The following SLMAP variants were observed in gnomAD, a reference collection of about 807,000 sequenced individuals.
SLMAP encodes sarcolemmal membrane-associated protein.
SLMAP carries 44 observed loss-of-function variants against 128.8 expected under a neutral mutation model. The ratio of observed to expected loss-of-function variants is 0.34; its 90% CI spans 0.27 to 0.44. The LOEUF is 0.44. Among genes scored for constraint, SLMAP ranks in the 20% least tolerant of loss-of-function variants. The pLI, the probability that SLMAP is intolerant of heterozygous loss-of-function variation, is 1.00. For synonymous variants in SLMAP, 327 were observed against 348.8 expected, an observed-to-expected ratio of 0.94 and a Z score of 0.70; for missense variants, 787 against 985.3, an observed-to-expected ratio of 0.80 and a Z score of 2.69.
rs186442800 is a variant in SLMAP at position 57,851,824 on chromosome 3, T to A, written c.519+2008T>A. Among the ~76,000 whole-genome samples, 160 of 152,130 alleles carry A rather than the reference T, an allele frequency of 1.1e-3. 2 individuals are homozygous for A. Among genetic ancestry groups the A allele is most frequent in the Admixed American group, 8.6e-3 (131 of 15,282 alleles). On this transcript the variant is annotated intron_variant, in intron 6 of 24. Transcript: ENST00000671191. ...ATCTTAGTTCTGCTACTCAACCCACTTTTGTGACCTTGAGTGAGTCATTTT... is the reference window on the plus strand; with the variant it reads ...ATCTTAGTTCTGCTACTCAACCCACATTTGTGACCTTGAGTGAGTCATTTT...
chr3:57,928,802 T>G lies in SLMAP; in HGVS notation c.*1513T>G, dbSNP rs1242066643. 1 of 152,524 alleles carries G rather than the reference T, an allele frequency of 6.6e-6. No individual in the cohort carries two copies. Among genetic ancestry groups the G allele is most frequent in the South Asian group, 2.1e-4 (1 of 4,832 alleles). 9.4% of individuals were successfully genotyped at this position (152,524 alleles called of 1,614,324 possible). A position where few individuals can be genotyped will look rare whatever the true frequency, so the allele number is the denominator to read the frequency against. On this transcript the variant is annotated 3_prime_UTR_variant, in exon 25 of 25. Coordinates refer to ENST00000671191, the MANE Select transcript of SLMAP (RefSeq NM_001377540.1). ...TGTTTGGCAGTCACTGTTTATACTT[T>G]AAAGGTTATATTTTAAGCTATTTGA...
At chr3:57,854,777 A>C (rs181533323) in intron 6 of SLMAP, among the ~76,000 whole-genome samples, 1 of 152,322 alleles carries the variant, frequency 6.6e-6, no homozygotes, top group Non-Finnish European at 1.5e-5. Flanking sequence ...TATATATTTC[A>C]CATATATTCA....
chr3:57,825,268 A>T (rs2092832615), intron 2 of SLMAP, among the ~76,000 whole-genome samples: 1 of 151,090 alleles, frequency 6.6e-6, no homozygotes, highest in Admixed American at 6.6e-5. Flanking sequence ...CTTCTAGTAC[A>T]GTGTTGAACA....
At chr3:57,920,587 A>G (rs2096898911) in intron 22 of SLMAP, among the ~76,000 whole-genome samples, 1 of 152,200 alleles carries the variant, frequency 6.6e-6, no homozygotes, top group Non-Finnish European at 1.5e-5. Flanking sequence ...GGATATAAGT[A>G]GAGAGGAACT....
chr3:57,897,594 G>A (rs1438478039), intron 17 of SLMAP: 1 of 152,230 alleles, frequency 6.6e-6, no homozygotes, highest in Admixed American at 6.6e-5. Flanking sequence ...TACTCGGGAG[G>A]CTGAGGCAGG....
chr3:57,840,989 G>C (rs1440629180), intron 3 of SLMAP, among the ~76,000 whole-genome samples: 1 of 152,076 alleles, frequency 6.6e-6, no homozygotes, highest in Non-Finnish European at 1.5e-5. Flanking sequence ...ACTGGCAGAT[G>C]GGGAAAAGTG....
At chr3:57,781,375 G>A (rs142231881) in intron 2 of SLMAP, among the ~76,000 whole-genome samples, 1 of 152,104 alleles carries the variant, frequency 6.6e-6, no homozygotes, top group African/African-American at 2.4e-5. Flanking sequence ...CATTGAAAAG[G>A]CTGTAAAAAG....
intron 2 of SLMAP, among the ~76,000 whole-genome samples, chr3:57,829,438 C>G (rs2093178981): frequency 1.3e-5 from 2 of 151,888 alleles, no homozygotes; most frequent in African/African-American, 4.8e-5. Context: ...TGACCAGAAT[C>G]CAGACATTAC....
chr3:57,880,460 C>T (rs948291814), intron 14 of SLMAP, among the ~76,000 whole-genome samples: 3 of 152,122 alleles, frequency 2.0e-5, no homozygotes, highest in African/African-American at 7.2e-5. Flanking sequence ...GCCTCAGCCT[C>T]CCAAAGTGTG....
At chr3:57,839,707 G>A (rs890383187) in intron 3 of SLMAP, among the ~76,000 whole-genome samples, 1 of 152,104 alleles carries the variant, frequency 6.6e-6, no homozygotes, top group Non-Finnish European at 1.5e-5. Context: ...AGGCTCAAGC[G>A]ATTCTCCCAC....
chr3:57,879,862 AT>A (rs2095687323), intron 14 of SLMAP, among the ~76,000 whole-genome samples: 1 of 151,772 alleles, frequency 6.6e-6, no homozygotes. Flanking sequence ...AGGCAGGAGA[AT>A]TGCTTGAAAC....
chr3:57,787,999 T>G (rs749306208), intron 2 of SLMAP, among the ~76,000 whole-genome samples: 3 of 151,926 alleles, frequency 2.0e-5, no homozygotes, highest in Non-Finnish European at 2.9e-5. Flanking sequence ...GAAGAAAGAG[T>G]GGTTAGAATG....
At chr3:57,834,990 C>T (rs1288941183) in intron 3 of SLMAP, among the ~76,000 whole-genome samples, 12 of 151,258 alleles carry the variant, frequency 7.9e-5, no homozygotes, top group East Asian at 2.0e-4. Context: ...GGCGTGGTGG[C>T]GCACGCCTGT....
At chr3:57,905,908 C>T (rs2096525080) in intron 17 of SLMAP, among the ~76,000 whole-genome samples, 1 of 151,920 alleles carries the variant, frequency 6.6e-6, no homozygotes, top group Admixed American at 6.6e-5. Context: ...TTATTCAGCC[C>T]AAAATGTCAG....
intron 15 of SLMAP, among the ~76,000 whole-genome samples, chr3:57,891,517 A>G (rs2096069263): frequency 1.3e-5 from 2 of 151,484 alleles, no homozygotes; most frequent in Admixed American, 1.3e-4. Flanking sequence ...TAAACTGTTT[A>G]TTGGAAGTTT....
At chr3:57,862,687 T>C (rs935293302) in intron 10 of SLMAP, among the ~76,000 whole-genome samples, 7 of 146,252 alleles carry the variant, frequency 4.8e-5, no homozygotes, top group African/African-American at 1.8e-4. Context: ...CTGGTATAGA[T>C]AGATATTTTG....
At chr3:57,899,749 GTCTC>G (rs140631767) in intron 17 of SLMAP, 2 of 151,806 alleles carry the variant, frequency 1.3e-5, no homozygotes, top group East Asian at 1.9e-4. Context: ...TTCTCTCTCT[GTCTC>G]TCTCTCTTTT....
intron 2 of SLMAP, among the ~76,000 whole-genome samples, chr3:57,808,963 G>A (rs569705555): frequency 6.6e-6 from 1 of 152,280 alleles, no homozygotes; most frequent in African/African-American, 2.4e-5. Flanking sequence ...TATATATTTA[G>A]GATAGCTAGC....
chr3:57,858,141 A>G lies in SLMAP; in HGVS notation c.669A>G (p.Gln223=). 2 of 1,595,576 alleles carry G rather than the reference A, an allele frequency of 1.3e-6. No homozygotes were observed. The highest frequency in any genetic ancestry group is 1.7e-6 in the Non-Finnish European group (2 of 1,163,210). ...CACGGTTAGAAGTTATGGGAAACCAATTACAGGCATGCTCCAAAGTAGGTA... is the reference window on the plus strand; with the variant it reads ...CACGGTTAGAAGTTATGGGAAACCAGTTACAGGCATGCTCCAAAGTAGGTA... ...LLSRLEVMGN[Q]LQACSKNQTE... Residue 223 remains glutamine, a synonymous_variant, in exon 8 of 25, where the codon CAA becomes CAG. Coordinates refer to ENST00000671191, the MANE Select transcript of SLMAP (RefSeq NM_001377540.1).
Sources: gnomAD v4.1 joint callset for allele counts (sites outside exome capture counted in the v4.1 genomes callset) on GRCh38, gnomAD v4.1.1 for gene constraint, MANE v1.5 for transcripts, NCBI Gene and HGNC (gene_info 2026-07-23, HGNC 2026-07-21) for gene names.